The following MIS18BP1 variants were observed in gnomAD, a reference collection of about 807,000 sequenced individuals.
MIS18BP1 encodes the protein mis18-binding protein 1.
In MIS18BP1, 72 loss-of-function variants were observed where a neutral mutation model predicts 116.1. The ratio of observed to expected loss-of-function variants is 0.62; its 90% confidence interval spans 0.51 to 0.75. The LOEUF is 0.75. Ranked by LOEUF, MIS18BP1 falls within the 30% of genes least tolerant of loss-of-function variation. The probability of loss-of-function intolerance (pLI) is 0.00; values close to 1 mark genes in which losing one functional copy is unlikely to be tolerated. For missense variants in MIS18BP1, 1,363 were observed against 1,303.2 expected, an observed-to-expected ratio of 1.05 and a Z score of -0.71; for synonymous variants, 386 against 427.0, an observed-to-expected ratio of 0.90 and a Z score of 1.18.
intron 2 of MIS18BP1, among the ~76,000 whole-genome samples, chr14:45,245,838 C>A (rs1891708666): frequency 6.6e-6 from 1 of 152,222 alleles, no homozygotes; most frequent in African/African-American, 2.4e-5. Flanking sequence ...TTGATCACTT[C>A]TCTAAATTCC....
rs769801999 is a variant in MIS18BP1 at position 45,246,971 on chromosome 14, CTTTA to C, written c.312_315del (p.Asn104LysfsTer12). 1 of 1,609,188 alleles carries C rather than the reference CTTTA, an allele frequency of 6.2e-7. No homozygotes were observed. The highest frequency in any genetic ancestry group is 8.5e-7 in the Non-Finnish European group (1 of 1,178,972). On this transcript the variant is annotated frameshift_variant, in exon 2 of 17. Transcript: ENST00000310806. LOFTEE classifies it high-confidence loss of function. ...ATTTTTCCTGGTGATTCATAGTTTG[CTTTA>C]TTTTTTAATCCATCCTTGTTGGGCT...
At chr14:45,228,649 T>C (rs1891191057) in intron 8 of MIS18BP1, among the ~76,000 whole-genome samples, 1 of 152,202 alleles carries the variant, frequency 6.6e-6, no homozygotes, top group Admixed American at 6.5e-5. Flanking sequence ...TCATAAAAAG[T>C]ATAAAAACAT....
intron 4 of MIS18BP1, among the ~76,000 whole-genome samples, chr14:45,238,132 TAA>T (rs1022120508): frequency 5.6e-4 from 75 of 132,960 alleles, no homozygotes; most frequent in African/African-American, 1.6e-3. Flanking sequence ...TTTTTTTTTG[TAA>T]AGTTTAGACC....
chr14:45,250,764 G>A (rs774468110), intron 1 of MIS18BP1, among the ~76,000 whole-genome samples: 6 of 151,948 alleles, frequency 3.9e-5, no homozygotes, highest in Non-Finnish European at 8.8e-5. Flanking sequence ...GCTCACGCCT[G>A]TAATCCCAGC....
At chr14:45,238,307 A>C (rs947805526) in intron 4 of MIS18BP1, among the ~76,000 whole-genome samples, 3 of 152,220 alleles carry the variant, frequency 2.0e-5, no homozygotes, top group Non-Finnish European at 4.4e-5. Context: ...AATCTATGCA[A>C]AGAAATTCTT....
At chr14:45,234,235 A>G (rs1030350608) in intron 6 of MIS18BP1, among the ~76,000 whole-genome samples, 7 of 152,272 alleles carry the variant, frequency 4.6e-5, no homozygotes, top group Non-Finnish European at 8.8e-5. Flanking sequence ...GAAAAAAAAA[A>G]AGAAAATTCA....
At position 45,247,322 on chromosome 14, in the gene MIS18BP1, G is replaced by A. The variant is rs772304968; in HGVS notation, c.-36C>T. 3.3e-5 allele frequency: 49 copies of A among 1,502,700 alleles called. 1 individual carries two copies. The highest frequency in any genetic ancestry group is 4.2e-5 in the Non-Finnish European group (47 of 1,132,288). 93.1% of individuals were successfully genotyped at this position (1,502,700 alleles called of 1,614,324 possible). Reference sequence around the variant, plus strand: ...AAGTAGCAACCAAGTTCTTCTAACAGAAAATTCACTTAAGCGCAATTTTCA... The same window carrying A: ...AAGTAGCAACCAAGTTCTTCTAACAAAAAATTCACTTAAGCGCAATTTTCA... On this transcript the variant is annotated 5_prime_UTR_variant, in exon 2 of 17. Coordinates refer to ENST00000310806, the MANE Select transcript of MIS18BP1 (RefSeq NM_018353.5).
chr14:45,214,325 G>C (rs1046495419), intron 13 of MIS18BP1, among the ~76,000 whole-genome samples: 1 of 152,204 alleles, frequency 6.6e-6, no homozygotes, highest in African/African-American at 2.4e-5. Flanking sequence ...CATGCTAGTG[G>C]CAATACTGCT....
In MIS18BP1 at chr14:45,247,101, C is replaced by A. The variant is rs774611986; in HGVS notation, c.186G>T (p.Gln62His). 2 of 1,612,374 alleles carry A rather than the reference C, an allele frequency of 1.2e-6. No individual in the cohort carries two copies. Among genetic ancestry groups the A allele is most frequent in the Non-Finnish European group, 1.7e-6 (2 of 1,179,736 alleles). Residue 62 changes from glutamine (Q) to histidine (H), a missense_variant, in exon 2 of 17, where the codon CAG becomes CAT. Coordinates refer to ENST00000310806, the MANE Select transcript of MIS18BP1 (RefSeq NM_018353.5). ...SLKLNDHKKN[Q>H]FLKMTTFNNK... ...TGTTAAAAGTTGTCATTTTTAGGAACTGATTCTTTTTATGGTCATTCAATT... is the reference window on the plus strand; with the variant it reads ...TGTTAAAAGTTGTCATTTTTAGGAAATGATTCTTTTTATGGTCATTCAATT...
rs1283786350 is a variant in MIS18BP1, at chr14:45,247,067, T to C, written c.220A>G (p.Ile74Val). Residue 74 changes from isoleucine to valine, a missense_variant, in exon 2 of 17, where the codon ATA becomes GTA. Transcript: ENST00000310806. ...LKMTTFNNKN[I>V]FQSTMLTEAT... ...TCTGTTAGCATAGTTGATTGAAATA[T>C]ATTTTTATTGTTAAAAGTTGTCATT... The C allele has an allele frequency of 6.2e-7, 1 of 1,612,976 alleles. No individual in the cohort carries two copies. Among genetic ancestry groups the C allele is most frequent in the Non-Finnish European group, 8.5e-7 (1 of 1,179,678 alleles).
intron 1 of MIS18BP1, among the ~76,000 whole-genome samples, chr14:45,252,437 G>A (rs1891902009): frequency 1.3e-5 from 2 of 152,138 alleles, no homozygotes; most frequent in Admixed American, 1.3e-4. Flanking sequence ...TACAGGCATA[G>A]AGAAAAACTC....
chr14:45,242,047 A>G lies in MIS18BP1; in HGVS notation c.1130T>C (p.Leu377Pro). The G allele has an allele frequency of 6.3e-7, 1 of 1,593,670 alleles. No individual in the cohort carries two copies. Among genetic ancestry groups the G allele is most frequent in the East Asian group, 2.2e-5 (1 of 44,708 alleles). ...AAGTTTTCCCACCTGATTTTTTTTA[A>G]GTCCATTTGTAACAGTTTGAAATAT... ...PRIFQTVTNGLKKNQVVQLQE... is the reference protein window; with the variant it reads ...PRIFQTVTNGPKKNQVVQLQE... Residue 377 changes from leucine (L) to proline (P), a missense_variant, in exon 4 of 17, where the codon CTT becomes CCT. Physicochemically the swap from Leu to Pro is moderately conservative, Grantham distance 98. Coordinates refer to ENST00000310806, the MANE Select transcript of MIS18BP1 (RefSeq NM_018353.5).
chr14:45,214,565 A>C (rs909893332), intron 13 of MIS18BP1, among the ~76,000 whole-genome samples: 1 of 152,088 alleles, frequency 6.6e-6, no homozygotes, highest in Non-Finnish European at 1.5e-5. Context: ...TTGTATGCTG[A>C]GTGCCGGTCC....
chr14:45,226,627 A>G, intron 10 of MIS18BP1, 116 bp downstream of exon 10: 1 of 854,434 alleles, frequency 1.2e-6, no homozygotes, highest in Non-Finnish European at 1.6e-6. Flanking sequence ...ATTTAAAAAC[A>G]TTAAATAATT....
chr14:45,242,859 A>G lies in MIS18BP1; in HGVS notation c.560T>C (p.Val187Ala). The G allele has an allele frequency of 1.9e-6, 3 of 1,602,844 alleles. No homozygotes were observed. The South Asian group carries it at 3.4e-5, about 18-fold the overall frequency. ...DSSLRASVQG[V>A]PLESSNNDIF... The stretch of plus-strand genomic sequence containing the variant: ...ATCATTATTTGATGATTCTAGAGGA[A>G]CTCCTTGGACTGAGGCTAAGGTTTT... The change falls in exon 3 of 17, where the codon GTT becomes GCT. Residue 187 changes from valine (V) to alanine (A), a missense_variant. Physicochemically the swap from Val to Ala is moderately conservative, Grantham distance 64 (BLOSUM62 0). Transcript: ENST00000310806.
At chr14:45,241,587 C>A (rs558193150) in intron 4 of MIS18BP1, 1 of 153,200 alleles carries the variant, frequency 6.5e-6, no homozygotes, top group South Asian at 2.1e-4. Flanking sequence ...CCTAATGTAA[C>A]AGTTTAATGC....
rs1277626997 is a variant in MIS18BP1 at position 45,223,980 on chromosome 14, T to C, written c.2607A>G (p.Glu869=). ...TATCCTGAATTAAACCAGGTAAGCA[T>C]TCTAAGGGATGCCTATTTGTCTTAT... ...GSDKTNRHPL[E]CLPGLIQDKE... The change falls in exon 11 of 17, where the codon GAA becomes GAG. Residue 869 remains glutamate (E), a synonymous_variant. Coordinates refer to ENST00000310806, the MANE Select transcript of MIS18BP1 (RefSeq NM_018353.5). 3 of 1,611,054 alleles carry C rather than the reference T, an allele frequency of 1.9e-6. No homozygotes were observed. The highest frequency in any genetic ancestry group is 2.5e-6 in the Non-Finnish European group (3 of 1,179,274).
intron 2 of MIS18BP1, among the ~76,000 whole-genome samples, chr14:45,244,722 A>G (rs1214699677): frequency 6.6e-6 from 1 of 152,098 alleles, no homozygotes; most frequent in Admixed American, 6.6e-5. Context: ...AACTATTCAA[A>G]TCTCTACCTC....
intron 15 of MIS18BP1, 147 bp from the exon 16 acceptor site, chr14:45,204,600 T>C: frequency 1.8e-6 from 1 of 559,000 alleles, no homozygotes; most frequent in Non-Finnish European, 3.0e-6. Context: ...ATCTGTGAAA[T>C]GCATAATTCT....
Sources: gnomAD v4.1 joint callset for allele counts (sites outside exome capture counted in the v4.1 genomes callset) on GRCh38, gnomAD v4.1.1 for gene constraint, MANE v1.5 for transcripts, NCBI Gene and HGNC (gene_info 2026-07-23, HGNC 2026-07-21) for gene names.